The following RAB38 variants were observed in gnomAD, a reference collection of about 807,000 sequenced individuals.
RAB38 encodes the protein RAB38, member RAS oncogene family, also known as ras-related protein Rab-38.
RAB38 carries 15 observed loss-of-function variants against 18.4 expected under a neutral mutation model. The ratio of observed to expected loss-of-function variants is 0.82; its 90% CI spans 0.55 to 1.26. The LOEUF (loss-of-function observed/expected upper bound fraction) is 1.26, where lower values mean the gene tolerates loss of function less well. Among genes scored for constraint, RAB38 ranks in the 50% most tolerant of loss-of-function variants. RAB38 has a pLI of 0.00. For synonymous variants in RAB38, 101 were observed against 104.4 expected, an observed-to-expected ratio of 0.97 and a Z score of 0.20; for missense variants, 294 against 267.4, an observed-to-expected ratio of 1.10 and a Z score of -0.69.
the RAB38 span, among the ~76,000 whole-genome samples, chr11:87,880,297 A>G: frequency 2.6e-5 from 4 of 151,752 alleles, no homozygotes; most frequent in African/African-American, 9.7e-5. Context: ...CAAATGGAAT[A>G]TGGGTGGAAA....
At chr11:88,163,958 G>A (rs905842231) in intron 1 of RAB38, among the ~76,000 whole-genome samples, 5 of 152,078 alleles carry the variant, frequency 3.3e-5, no homozygotes, top group Non-Finnish European at 5.9e-5. Context: ...AAAGCAGGGG[G>A]AAGGAAGGAA....
At chr11:88,033,182 A>T in the RAB38 span, among the ~76,000 whole-genome samples, 1 of 151,884 alleles carries the variant, frequency 6.6e-6, no homozygotes, top group Non-Finnish European at 1.5e-5. Flanking sequence ...AACAATGAGA[A>T]CACATGGACA....
chr11:87,950,023 C>CTAAG, the RAB38 span, among the ~76,000 whole-genome samples: 1 of 152,136 alleles, frequency 6.6e-6, no homozygotes, highest in South Asian at 2.1e-4. Flanking sequence ...GTGTGGGAGT[C>CTAAG]TAAGTTTCTT....
At chr11:87,976,618 GATAT>G in the RAB38 span, among the ~76,000 whole-genome samples, 1 of 110,048 alleles carries the variant, frequency 9.1e-6, no homozygotes, top group Non-Finnish European at 1.7e-5. Flanking sequence ...TATTTTACAT[GATAT>G]ATAAATATAT....
chr11:88,133,809 A>T (rs1030478510), intron 2 of RAB38, among the ~76,000 whole-genome samples: 1 of 152,184 alleles, frequency 6.6e-6, no homozygotes, highest in South Asian at 2.1e-4. Flanking sequence ...AAGTCAGGCT[A>T]CTCAAAAGTA....
At chr11:88,030,541 G>A in the RAB38 span, among the ~76,000 whole-genome samples, 1 of 152,130 alleles carries the variant, frequency 6.6e-6, no homozygotes, top group African/African-American at 2.4e-5. Context: ...AAATGATAAA[G>A]AGGATATAAC....
At chr11:88,110,333 G>A (rs2134760090), downstream of RAB38, among the ~76,000 whole-genome samples, 1 of 152,136 alleles carries the variant, frequency 6.6e-6, no homozygotes, top group Non-Finnish European at 1.5e-5. Flanking sequence ...GAGAACACAT[G>A]GACACAGAGA....
chr11:87,832,726 T>A, the RAB38 span, among the ~76,000 whole-genome samples: 1 of 151,990 alleles, frequency 6.6e-6, no homozygotes, highest in Admixed American at 6.6e-5. Flanking sequence ...ATGTGGAGAG[T>A]GTACTCTCCT....
the RAB38 span, among the ~76,000 whole-genome samples, chr11:88,018,136 G>A: frequency 2.2e-3 from 336 of 152,170 alleles, 11 homozygotes; most frequent in South Asian, 0.053. Flanking sequence ...TACCAGCAGC[G>A]TAAAAACGGA....
chr11:88,020,966 T>A, the RAB38 span, among the ~76,000 whole-genome samples: 1 of 151,708 alleles, frequency 6.6e-6, no homozygotes, highest in Non-Finnish European at 1.5e-5. Context: ...AAGAGGGAAA[T>A]TTATAGTGAA....
chr11:88,029,497 G>C, the RAB38 span, among the ~76,000 whole-genome samples: 23 of 152,152 alleles, frequency 1.5e-4, no homozygotes, highest in Non-Finnish European at 2.1e-4. Context: ...CTCACATGCA[G>C]AGACACACAT....
rs552013751 is a variant in RAB38, at chr11:88,151,351, T to C, written c.203-1396A>G. The stretch of plus-strand genomic sequence containing the variant: ...AATCAGAGTTTCAGATCAGAGTTTG[T>C]GACAAAAAAATTACAAGTATTTCAG... On this transcript the variant is annotated intron_variant, in intron 1 of 2. Transcript: ENST00000243662. Among the ~76,000 whole-genome samples, 63 of 152,236 alleles carry C rather than the reference T, an allele frequency of 4.1e-4. 1 individual carries two copies. The highest frequency in any genetic ancestry group is 1.5e-3 in the African/African-American group (63 of 41,560).
chr11:88,081,885 TA>T, the RAB38 span, among the ~76,000 whole-genome samples: 1 of 151,740 alleles, frequency 6.6e-6, no homozygotes, highest in South Asian at 2.1e-4. Context: ...GGTGAAGGGA[TA>T]AAAAAAGTTG....
chr11:88,044,019 T>C, the RAB38 span, among the ~76,000 whole-genome samples: 1 of 152,228 alleles, frequency 6.6e-6, no homozygotes, highest in Non-Finnish European at 1.5e-5. Flanking sequence ...CTCCTTTTAA[T>C]CTTAGTGCCA....
chr11:88,036,187 A>G, the RAB38 span, among the ~76,000 whole-genome samples: 4 of 152,114 alleles, frequency 2.6e-5, no homozygotes, highest in Non-Finnish European at 5.9e-5. Context: ...CCCTCAATTC[A>G]TGATACTCCT....
At chr11:88,062,475 C>T in the RAB38 span, among the ~76,000 whole-genome samples, 9 of 152,252 alleles carry the variant, frequency 5.9e-5, no homozygotes, top group African/African-American at 1.4e-4. Flanking sequence ...AGTGTGAGAA[C>T]GGACTAATAC....
the RAB38 span, among the ~76,000 whole-genome samples, chr11:88,053,626 G>A: frequency 7.3e-5 from 11 of 151,538 alleles, no homozygotes; most frequent in Non-Finnish European, 1.5e-4. Context: ...CTCATAATGG[G>A]AAATAAAAGT....
At chr11:88,007,112 C>A in the RAB38 span, among the ~76,000 whole-genome samples, 1 of 151,526 alleles carries the variant, frequency 6.6e-6, no homozygotes, top group South Asian at 2.1e-4. Context: ...TGTTGTTCCT[C>A]ATAAATATGT....
At chr11:87,977,007 TAAA>T in the RAB38 span, among the ~76,000 whole-genome samples, 2 of 15,796 alleles carry the variant, frequency 1.3e-4, no homozygotes, top group African/African-American at 2.5e-4. Context: ...AAGTATATTA[TAAA>T]ATATAATTAC....
Sources: allele counts gnomAD v4.1 joint callset (sites outside exome capture counted in the v4.1 genomes callset), GRCh38; gene constraint gnomAD v4.1.1; transcripts MANE v1.5; gene names NCBI Gene and HGNC (gene_info 2026-07-23, HGNC 2026-07-21).